The following SETX variants were observed in gnomAD, a reference collection of about 807,000 sequenced individuals.
SETX encodes the protein senataxin, also known as helicase senataxin.
In SETX, 90 loss-of-function variants were observed where a neutral mutation model predicts 227.2. The ratio of observed to expected loss-of-function variants is 0.40; its 90% CI spans 0.33 to 0.47. The LOEUF is 0.47. SETX is among the 20% of genes least tolerant of loss of function. The probability of loss-of-function intolerance (pLI) is 0.91; values close to 1 mark genes in which losing one functional copy is unlikely to be tolerated. For missense variants in SETX, 3,052 were observed against 3,181.5 expected, an observed-to-expected ratio of 0.96 and a Z score of 0.98; for synonymous variants, 1,210 against 1,113.2, an observed-to-expected ratio of 1.09 and a Z score of -1.73.
Position 132,264,895 on chromosome 9 carries a change from C to T in SETX, c.7378G>A (p.Val2460Met). 1 of 1,614,138 alleles carries T rather than the reference C, an allele frequency of 6.2e-7. No individual in the cohort carries two copies. Among genetic ancestry groups the T allele is most frequent in the South Asian group, 1.1e-5 (1 of 91,084 alleles). The change falls in exon 26 of 26, where the codon GTG becomes ATG. Residue 2460 changes from valine (V) to methionine (M), a missense_variant. By Grantham distance (21) the Val-to-Met change is conservative. Coordinates refer to ENST00000224140, the MANE Select transcript of SETX (RefSeq NM_015046.7). ...ACAGGCTTGAGTTTCAGAATCTTCA[C>T]TGCATCATGTCTATAGTTTTTGTCA... ...TCDKNYRHDA[V>M]KILKLKPVLQ...
At chr9:132,324,735 T>C (rs973291588) in intron 10 of SETX, among the ~76,000 whole-genome samples, 1 of 152,236 alleles carries the variant, frequency 6.6e-6, no homozygotes, top group African/African-American at 2.4e-5. Context: ...TGGCACATAC[T>C]AGGCACTCAA....
rs572473769 is a variant in SETX at position 132,274,455 on chromosome 9, T to TC, written c.7100+800_7100+801insG. Among the ~76,000 whole-genome samples the TC allele has an allele frequency of 9.6e-3, 1,455 of 151,348 alleles. 23 individuals are homozygous for TC. Among genetic ancestry groups the TC allele is most frequent in the African/African-American group, 0.032 (1,298 of 41,196 alleles). On this transcript the variant is annotated intron_variant, in intron 23 of 25. Transcript: ENST00000224140. ...CTGATTTTTTCTTTTTTTTTTTTTT[T>TC]TGAGATGGAGTCTCGCTCTGTCACC...
At chr9:132,268,459 C>T (rs1842749789) in intron 25 of SETX, among the ~76,000 whole-genome samples, 1 of 152,208 alleles carries the variant, frequency 6.6e-6, no homozygotes, top group Non-Finnish European at 1.5e-5. Flanking sequence ...TGTGATTGTG[C>T]CACTGCACTC....
At chr9:132,334,527 A>C in intron 7 of SETX, 81 bp downstream of exon 7, 3 of 1,472,778 alleles carry the variant, frequency 2.0e-6, no homozygotes, top group Middle Eastern at 1.8e-4. Context: ...AACATACACC[A>C]ATTCCTGCAG....
intron 14 of SETX, among the ~76,000 whole-genome samples, chr9:132,296,603 C>CCAGCATTCA (rs929368344): frequency 6.6e-6 from 1 of 151,920 alleles, no homozygotes; most frequent in Admixed American, 6.6e-5. Context: ...AAAATGCAGC[C>CCAGCATTCA]CAGCATTCAC....
intron 15 of SETX, among the ~76,000 whole-genome samples, chr9:132,293,992 C>A (rs1333677526): frequency 6.6e-6 from 1 of 152,124 alleles, no homozygotes; most frequent in Non-Finnish European, 1.5e-5. Context: ...CCACTGCACT[C>A]CAGCCTGGGC....
intron 2 of SETX, among the ~76,000 whole-genome samples, chr9:132,351,351 C>T (rs1848593003): frequency 6.6e-6 from 1 of 152,202 alleles, no homozygotes; most frequent in African/African-American, 2.4e-5. Context: ...TTCCCACTTA[C>T]CTTACTTGAA....
chr9:132,325,589 A>G (rs1215316089), intron 10 of SETX, among the ~76,000 whole-genome samples: 2 of 152,104 alleles, frequency 1.3e-5, no homozygotes, highest in African/African-American at 4.8e-5. Context: ...TTACCTCTGC[A>G]CTTGGTATAT....
chr9:132,312,643 T>C (rs1416809820), intron 10 of SETX, among the ~76,000 whole-genome samples: 2 of 152,238 alleles, frequency 1.3e-5, no homozygotes, highest in African/African-American at 4.8e-5. Flanking sequence ...ACAAGGGTTA[T>C]GCTATGGACA....
intron 25 of SETX, among the ~76,000 whole-genome samples, chr9:132,268,346 A>G (rs1023490486): frequency 6.6e-6 from 1 of 152,214 alleles, no homozygotes; most frequent in African/African-American, 2.4e-5. Flanking sequence ...CCCTTTCTCT[A>G]CTAAAAGTAC....
intron 18 of SETX, among the ~76,000 whole-genome samples, chr9:132,284,643 C>A (rs753711536): frequency 6.6e-6 from 1 of 152,196 alleles, no homozygotes; most frequent in Non-Finnish European, 1.5e-5. Context: ...CAAAATGTTA[C>A]AGGAGTCTTA....
chr9:132,279,413 T>C (rs28727584), intron 20 of SETX, among the ~76,000 whole-genome samples: 16,747 of 151,672 alleles, frequency 0.11, 1,765 homozygotes, highest in East Asian at 0.37. Flanking sequence ...TAAAGTATAA[T>C]TAAAAAAGAA....
rs141094176 is a variant in SETX at position 132,288,807 on chromosome 9, A to C, written c.6107-156T>G. Among the ~76,000 whole-genome samples the C allele has an allele frequency of 3.3e-3, 498 of 152,352 alleles. 5 individuals carry two copies. The highest frequency in any genetic ancestry group is 0.011 in the African/African-American group (472 of 41,586). On this transcript the variant is annotated intron_variant, in intron 15 of 25. Transcript: ENST00000224140. ...AACCAGACACCAGGGACTACACCAC[A>C]AACTTCTTATACATTATTTCAGATA...
intron 10 of SETX, among the ~76,000 whole-genome samples, chr9:132,316,706 G>A (rs920090626): frequency 2.6e-5 from 4 of 152,022 alleles, no homozygotes; most frequent in East Asian, 1.9e-4. Flanking sequence ...TATTTATCTC[G>A]TTTTATCTAA....
At chr9:132,288,989 A>G (rs1844111699) in intron 15 of SETX, among the ~76,000 whole-genome samples, 1 of 152,232 alleles carries the variant, frequency 6.6e-6, no homozygotes, top group Non-Finnish European at 1.5e-5. Context: ...TAGTTTCAAG[A>G]AAAATGATGA....
rs1359083426 is a variant in SETX, at chr9:132,298,266, C to T, written c.5595G>A (p.Glu1865=). Residue 1865 remains glutamate, a synonymous_variant, in exon 13 of 26, where the codon GAG becomes GAA. Transcript: ENST00000224140. ...TECYLSIQTQ[E]NFPANLNELV... is the part of the protein sequence containing the mutation. ...GTTCGTTTAAATTGGCCGGAAAGTT[C>T]TCTTGAGTCTGGATGGAAAGGTAAC... The T allele has an allele frequency of 6.2e-7, 1 of 1,613,950 alleles. No individual in the cohort carries two copies. The highest frequency in any genetic ancestry group is 1.7e-5 in the Admixed American group (1 of 59,980).
chr9:132,286,336 AAGCCCAT>A, intron 18 of SETX, 80 bp downstream of exon 18: 1 of 957,164 alleles, frequency 1.0e-6, no homozygotes. Flanking sequence ...AAATAAATAA[AAGCCCAT>A]AGCTTGTCTG....
chr9:132,329,354 A>G lies in SETX; in HGVS notation c.2244T>C (p.Thr748=), dbSNP rs1295862402. ...TTTCCAAAGCATCAGTGCTAGAATC[A>G]GTCAACAAACGTGTTGATACTATTA... is the stretch of plus-strand genomic sequence containing the variant. The part of the protein sequence containing the change: ...RGIIVSTRLL[T]DSSTDALEKV... The change falls in exon 10 of 26, where the codon ACT becomes ACC. Residue 748 remains threonine, a synonymous_variant. Coordinates refer to ENST00000224140, the MANE Select transcript of SETX (RefSeq NM_015046.7). 6.2e-7 allele frequency: 1 copy of G among 1,614,068 alleles called. No homozygotes were observed. Among genetic ancestry groups the G allele is most frequent in the East Asian group, 2.2e-5 (1 of 44,860 alleles).
intron 3 of SETX, among the ~76,000 whole-genome samples, chr9:132,348,369 A>AC (rs1371242605): frequency 5.5e-5 from 3 of 54,172 alleles, no homozygotes; most frequent in Non-Finnish European, 1.1e-4. Flanking sequence ...TCTCAAAAAA[A>AC]AAACAAAACA....
Sources: allele counts gnomAD v4.1 joint callset (sites outside exome capture counted in the v4.1 genomes callset), GRCh38; gene constraint gnomAD v4.1.1; transcripts MANE v1.5; gene names NCBI Gene and HGNC (gene_info 2026-07-23, HGNC 2026-07-21).